Variants in THOC1 observed in about 807,000 individuals in gnomAD.
THOC1 encodes the protein THO complex 1.
In THOC1, 29 loss-of-function variants were observed where a neutral mutation model predicts 97.3. The ratio of observed to expected loss-of-function variants is 0.30; its 90% CI spans 0.22 to 0.41. The LOEUF (loss-of-function observed/expected upper bound fraction) is 0.41. Ranked by LOEUF, THOC1 falls within the 10% of genes least tolerant of loss-of-function variation. The pLI, the probability that THOC1 is intolerant of heterozygous loss-of-function variation, is 1.00. For synonymous variants in THOC1, 255 were observed against 257.0 expected, an observed-to-expected ratio of 0.99 and a Z score of 0.07; for missense variants, 529 against 761.9, an observed-to-expected ratio of 0.69 and a Z score of 3.60.
Position 264,022 on chromosome 18 carries a change from T to C in THOC1, c.256+4A>G. The C allele has an allele frequency of 6.2e-7, 1 of 1,608,250 alleles. No individual in the cohort carries two copies. The highest frequency in any genetic ancestry group is 8.5e-7 in the Non-Finnish European group (1 of 1,175,740). On this transcript the variant is annotated splice_donor_region_variant and intron_variant, in intron 4 of 20. Transcript: ENST00000261600. ...TAAACAAAACAAAACGGAACCATAC[T>C]TACCTTCAGTTACTCCCCCAATAGC...
chr18:228,308 A>C (rs560166523), intron 11 of THOC1, among the ~76,000 whole-genome samples: 9 of 152,040 alleles, frequency 5.9e-5, no homozygotes, highest in Non-Finnish European at 1.3e-4. Context: ...AATATACCTA[A>C]TATTTGGATC....
At chr18:215,039 CAAT>C (rs1174237509) in intron 20 of THOC1, 118 bp from the exon 21 acceptor site, 1 of 908,372 alleles carries the variant, frequency 1.1e-6, no homozygotes, top group East Asian at 2.6e-5. Flanking sequence ...TAAAAGTAAA[CAAT>C]TATTTTTTAT....
intron 4 of THOC1, among the ~76,000 whole-genome samples, chr18:261,682 T>C (rs1489098735): frequency 6.6e-6 from 1 of 152,202 alleles, no homozygotes; most frequent in Non-Finnish European, 1.5e-5. Context: ...TTAGATTCAA[T>C]GATATTATAT....
Position 263,137 on chromosome 18 carries a change from G to A in THOC1, c.256+889C>T, listed in dbSNP as rs9945001. On this transcript the variant is annotated intron_variant, in intron 4 of 20. Coordinates refer to ENST00000261600, the MANE Select transcript of THOC1 (RefSeq NM_005131.3). ...GCTCTGTTGCCCAGGCTGGAGTGCA[G>A]TGGCTCGAGCTCAGCTCACTGCAAG... Among the ~76,000 whole-genome samples the A allele has an allele frequency of 7.2e-3, 1,099 of 152,196 alleles. 10 individuals are homozygous for A. Among genetic ancestry groups the A allele is most frequent in the African/African-American group, 0.025 (1,031 of 41,544 alleles).
chr18:221,815 A>T (rs933473501), intron 17 of THOC1, among the ~76,000 whole-genome samples: 1 of 152,016 alleles, frequency 6.6e-6, no homozygotes, highest in East Asian at 1.9e-4. Context: ...TCACCGTGTT[A>T]GCCACGATGG....
chr18:235,621 G>A (rs1307788651), intron 11 of THOC1, among the ~76,000 whole-genome samples: 2 of 151,910 alleles, frequency 1.3e-5, no homozygotes, highest in Non-Finnish European at 1.5e-5. Flanking sequence ...GCATTTTTAT[G>A]TTTTCATATA....
chr18:227,162 G>A (rs952079272), intron 11 of THOC1, among the ~76,000 whole-genome samples: 6 of 152,070 alleles, frequency 3.9e-5, no homozygotes, highest in Non-Finnish European at 8.8e-5. Flanking sequence ...GTCCAGACAT[G>A]AGGATAAAAT....
chr18:218,098 G>A (rs915703941), intron 18 of THOC1, among the ~76,000 whole-genome samples: 1 of 152,124 alleles, frequency 6.6e-6, no homozygotes, highest in African/African-American at 2.4e-5. Context: ...CTGGTCACAG[G>A]GTCACACTAG....
At chr18:267,876 T>C in intron 1 of THOC1, 90 bp downstream of exon 1, 1 of 1,398,118 alleles carries the variant, frequency 7.2e-7, no homozygotes, top group South Asian at 1.3e-5. Context: ...CTGTCTCACT[T>C]TACCCCAGGG....
Position 265,369 on chromosome 18 carries a change from A to G in THOC1, c.129-6T>C. The G allele has an allele frequency of 6.2e-7, 1 of 1,604,312 alleles. No homozygotes were observed. The highest frequency in any genetic ancestry group is 8.5e-7 in the Non-Finnish European group (1 of 1,176,390). ...TACATTTTTTTTCATTTTCACTATT[A>G]AAAACAAAAGACATCCTCATTTTTC... is the stretch of plus-strand genomic sequence containing the variant. On this transcript the variant is annotated splice_polypyrimidine_tract_variant and splice_region_variant and intron_variant, in intron 2 of 20. Coordinates refer to ENST00000261600, the MANE Select transcript of THOC1 (RefSeq NM_005131.3).
At chr18:228,851 C>CAGCA (rs1911386447) in intron 11 of THOC1, among the ~76,000 whole-genome samples, 5 of 152,324 alleles carry the variant, frequency 3.3e-5, no homozygotes, top group Non-Finnish European at 7.3e-5. Context: ...CCACCTTAAA[C>CAGCA]ATCTGTTTTT....
chr18:251,145 T>C (rs779604637), intron 9 of THOC1, among the ~76,000 whole-genome samples: 6 of 152,178 alleles, frequency 3.9e-5, no homozygotes, highest in Non-Finnish European at 8.8e-5. Flanking sequence ...CTCTTAACTG[T>C]AGAGAGTAGG....
intron 20 of THOC1, 107 bp downstream of exon 20, chr18:215,321 TA>T: frequency 1.2e-6 from 1 of 819,662 alleles, no homozygotes; most frequent in Non-Finnish European, 2.0e-6. Flanking sequence ...ACAGTTGAGA[TA>T]AAATGGGAGA....
At chr18:238,073 C>G (rs939140024) in intron 11 of THOC1, among the ~76,000 whole-genome samples, 6 of 152,070 alleles carry the variant, frequency 3.9e-5, no homozygotes, top group African/African-American at 1.4e-4. Flanking sequence ...CCATGTTGGC[C>G]AGGCTGGTTC....
In THOC1 at chr18:222,334, C is replaced by T. The variant is rs141133001; in HGVS notation, c.1370+1106G>A. ...ACAGTAATCCTTTCTGCAATTTACT[C>T]CTTTCTGGGTTCAGTTTCCTTAAGA... On this transcript the variant is annotated intron_variant, in intron 17 of 20. Coordinates refer to ENST00000261600, the MANE Select transcript of THOC1 (RefSeq NM_005131.3). Among the ~76,000 whole-genome samples the T allele has an allele frequency of 5.4e-3, 824 of 152,250 alleles. 2 individuals are homozygous for T. Among genetic ancestry groups the T allele is most frequent in the African/African-American group, 0.018 (758 of 41,532 alleles).
intron 8 of THOC1, among the ~76,000 whole-genome samples, chr18:253,121 TG>T (rs1181101291): frequency 6.6e-6 from 1 of 152,198 alleles, no homozygotes; most frequent in Non-Finnish European, 1.5e-5. Context: ...TTCACACTGT[TG>T]GGGTGAGGCT....
chr18:255,286 C>G (rs1283048456), intron 7 of THOC1, among the ~76,000 whole-genome samples: 2 of 152,228 alleles, frequency 1.3e-5, no homozygotes, highest in Non-Finnish European at 2.9e-5. Flanking sequence ...AAAGCCACGA[C>G]AGGCTGAAAG....
intron 9 of THOC1, among the ~76,000 whole-genome samples, chr18:249,199 G>C (rs924243694): frequency 2.6e-5 from 4 of 152,104 alleles, no homozygotes; most frequent in African/African-American, 9.7e-5. Context: ...AGTAGTATCT[G>C]AAAGACTCTA....
rs377490528 is a variant in THOC1, at chr18:217,826, T to G, written c.1454+1060A>C. Among the ~76,000 whole-genome samples, 8 of 151,780 alleles carry G rather than the reference T, an allele frequency of 5.3e-5. No individual in the cohort carries two copies. The South Asian group carries it at 1.5e-3, about 28-fold the overall frequency. On this transcript the variant is annotated intron_variant, in intron 18 of 20. Coordinates refer to ENST00000261600, the MANE Select transcript of THOC1 (RefSeq NM_005131.3). Reference sequence around the variant, plus strand: ...GGTTCAAGCAAGTGAGACAGTAAAGTGTGAAGGTCCTGACAGGAAAGGGAA... The same window carrying G: ...GGTTCAAGCAAGTGAGACAGTAAAGGGTGAAGGTCCTGACAGGAAAGGGAA...
Sources: allele counts gnomAD v4.1 joint callset (sites outside exome capture counted in the v4.1 genomes callset), GRCh38; gene constraint gnomAD v4.1.1; transcripts MANE v1.5; gene names NCBI Gene and HGNC (gene_info 2026-07-23, HGNC 2026-07-21).